SEMA6D: variants seen among roughly 807,000 people sequenced by gnomAD.
The protein encoded by SEMA6D is semaphorin-6D.
In SEMA6D, 35 loss-of-function variants were observed where a neutral mutation model predicts 106.6. That is an observed-to-expected ratio of 0.33 (90% CI 0.25 to 0.44). The LOEUF (loss-of-function observed/expected upper bound fraction) is 0.44, where lower values mean the gene tolerates loss of function less well. Ranked by LOEUF, SEMA6D falls within the 20% of genes least tolerant of loss-of-function variation. The probability of loss-of-function intolerance (pLI) is 1.00; values close to 1 mark genes in which losing one functional copy is unlikely to be tolerated. For missense variants in SEMA6D, 1,185 were observed against 1,345.9 expected, an observed-to-expected ratio of 0.88 and a Z score of 1.87; for synonymous variants, 499 against 487.7, an observed-to-expected ratio of 1.02 and a Z score of -0.31.
chr15:47,429,856 A>C (rs2041465810), intron 2 of SEMA6D, among the ~76,000 whole-genome samples: 1 of 152,112 alleles, frequency 6.6e-6, no homozygotes, highest in Non-Finnish European at 1.5e-5. Context: ...TGACTAGAAA[A>C]TTACAGTTTG....
intron 2 of SEMA6D, among the ~76,000 whole-genome samples, chr15:47,434,093 A>G (rs541758403): frequency 4.1e-4 from 63 of 152,256 alleles, no homozygotes; most frequent in African/African-American, 1.5e-3. Flanking sequence ...CACAATGACA[A>G]CCATCTAAGT....
At chr15:47,184,734 C>T (rs529135166) in intron 1 of SEMA6D, among the ~76,000 whole-genome samples, 3 of 152,324 alleles carry the variant, frequency 2.0e-5, no homozygotes, top group African/African-American at 7.2e-5. Context: ...CTTTATGGCT[C>T]GTGGCCCCAC....
chr15:47,280,453 T>C (rs1001898286), intron 1 of SEMA6D, among the ~76,000 whole-genome samples: 14 of 149,198 alleles, frequency 9.4e-5, no homozygotes, highest in Non-Finnish European at 2.1e-4. Flanking sequence ...GGTTTATCAA[T>C]TTTGTTGATC....
intron 1 of SEMA6D, among the ~76,000 whole-genome samples, chr15:47,313,749 T>G (rs2036534370): frequency 6.6e-6 from 1 of 152,136 alleles, no homozygotes; most frequent in Admixed American, 6.5e-5. Context: ...CTGAGTATAG[T>G]GAGACAGTGC....
rs533881737 is a variant in SEMA6D, at chr15:47,639,581, A to G, written c.-55+38685A>G. On this transcript the variant is annotated intron_variant, in intron 4 of 19. Transcript: ENST00000558014. The stretch of plus-strand genomic sequence containing the variant: ...AAGGACTGCAGTATGGAAAGGAGAA[A>G]AAAGAGAAATGTTACAGTGGAAAAA... Among the ~76,000 whole-genome samples the G allele has an allele frequency of 1.8e-4, 27 of 152,300 alleles. No homozygotes were observed. The South Asian group carries it at 5.4e-3, about 30-fold the overall frequency.
At chr15:47,433,357 A>G (rs2041599966) in intron 2 of SEMA6D, among the ~76,000 whole-genome samples, 1 of 151,836 alleles carries the variant, frequency 6.6e-6, no homozygotes, top group Admixed American at 6.6e-5. Flanking sequence ...TATATTAGAC[A>G]TATATCCAAG....
At position 47,226,986 on chromosome 15, in the gene SEMA6D, T is replaced by C. The variant is rs140483954; in HGVS notation, c.-239+42568T>C. On this transcript the variant is annotated intron_variant, in intron 1 of 19. Transcript: ENST00000558014. ...GGTAAACCTATTGGTTCAATATGTG[T>C]CCTATTCCCAAACAAGCTTTTCCTC... 3.4e-3 allele frequency among the ~76,000 whole-genome samples: 515 copies of C among 152,190 alleles called. 3 individuals are homozygous for C. The highest frequency in any genetic ancestry group is 0.012 in the African/African-American group (490 of 41,544).
chr15:47,674,281 T>G (rs2078197925), intron 4 of SEMA6D, among the ~76,000 whole-genome samples: 1 of 152,230 alleles, frequency 6.6e-6, no homozygotes, highest in Non-Finnish European at 1.5e-5. Flanking sequence ...AGCCTGGCTT[T>G]CTTTCACAGA....
intron 3 of SEMA6D, among the ~76,000 whole-genome samples, chr15:47,502,563 A>C (rs2043888697): frequency 1.3e-5 from 2 of 152,212 alleles, no homozygotes; most frequent in Admixed American, 6.5e-5. Context: ...AAAACACTAA[A>C]GGCTATACGG....
Position 47,764,011 on chromosome 15 carries a change from A to T in SEMA6D, c.909A>T (p.Ile303=), listed in dbSNP as rs1292112427. The change falls in exon 10 of 19, where the codon ATA becomes ATT. Residue 303 remains isoleucine, a synonymous_variant. Coordinates refer to ENST00000536845, the MANE Select transcript of SEMA6D (RefSeq NM_001358351.3). ...YFDVLQSITD[I]IQINGIPTVV... ...ATGTTCTGCAGTCTATTACAGACATAATACAAATCAATGGCATCCCCACTG... is the reference window on the plus strand; with the variant it reads ...ATGTTCTGCAGTCTATTACAGACATTATACAAATCAATGGCATCCCCACTG... 6.2e-7 allele frequency: 1 copy of T among 1,613,936 alleles called. No individual in the cohort carries two copies. The highest frequency in any genetic ancestry group is 1.3e-5 in the African/African-American group (1 of 75,012).
At chr15:47,553,503 AC>A (rs1339553757) in intron 3 of SEMA6D, among the ~76,000 whole-genome samples, 5 of 152,112 alleles carry the variant, frequency 3.3e-5, no homozygotes, top group Non-Finnish European at 7.3e-5. Flanking sequence ...CTAATAGTTC[AC>A]ATTTCCTGCC....
chr15:47,499,074 C>T (rs1036881416), intron 3 of SEMA6D, among the ~76,000 whole-genome samples: 2 of 152,148 alleles, frequency 1.3e-5, no homozygotes, highest in Non-Finnish European at 2.9e-5. Context: ...TGATCACTCT[C>T]TATGCATCAT....
chr15:47,197,658 G>A (rs1216445702), intron 1 of SEMA6D, among the ~76,000 whole-genome samples: 1 of 152,008 alleles, frequency 6.6e-6, no homozygotes, highest in African/African-American at 2.4e-5. Flanking sequence ...CTAGCATTAA[G>A]TCTTGTTTGA....
At chr15:47,654,681 G>T (rs2077758040) in intron 4 of SEMA6D, among the ~76,000 whole-genome samples, 1 of 152,158 alleles carries the variant, frequency 6.6e-6, no homozygotes, top group Non-Finnish European at 1.5e-5. Context: ...ATTCCCAGGA[G>T]ACCTAGTCAT....
chr15:47,509,875 T>C (rs2044172092), intron 3 of SEMA6D, among the ~76,000 whole-genome samples: 1 of 152,198 alleles, frequency 6.6e-6, no homozygotes, highest in Admixed American at 6.5e-5. Flanking sequence ...CCATATGTAC[T>C]CTCCAGGTGA....
At chr15:47,487,088 T>C (rs2043317248) in intron 3 of SEMA6D, among the ~76,000 whole-genome samples, 1 of 152,218 alleles carries the variant, frequency 6.6e-6, no homozygotes, top group East Asian at 1.9e-4. Flanking sequence ...GTGTGATTTT[T>C]TACACAAGGA....
chr15:47,222,472 C>G (rs1455196085), intron 1 of SEMA6D, among the ~76,000 whole-genome samples: 1 of 152,154 alleles, frequency 6.6e-6, no homozygotes, highest in African/African-American at 2.4e-5. Flanking sequence ...AAAATTGTCT[C>G]CCAGTGTCCT....
chr15:47,345,878 T>C (rs1318875363), intron 1 of SEMA6D, among the ~76,000 whole-genome samples: 1 of 152,188 alleles, frequency 6.6e-6, no homozygotes, highest in Non-Finnish European at 1.5e-5. Flanking sequence ...GATCAATATG[T>C]ATGTTCTCAT....
chr15:47,365,599 G>A (rs956345125), intron 1 of SEMA6D, among the ~76,000 whole-genome samples: 3 of 152,086 alleles, frequency 2.0e-5, no homozygotes, highest in Admixed American at 1.3e-4. Flanking sequence ...GGTGGCTTAC[G>A]TCTGTAATCC....
Sources: allele counts gnomAD v4.1 joint callset (sites outside exome capture counted in the v4.1 genomes callset), GRCh38; gene constraint gnomAD v4.1.1; transcripts MANE v1.5; gene names NCBI Gene and HGNC (gene_info 2026-07-23, HGNC 2026-07-21).